ARL6IP6: variants seen among roughly 807,000 people sequenced by gnomAD.
ARL6IP6 encodes the protein ADP-ribosylation factor-like protein 6-interacting protein 6.
In ARL6IP6, 22 loss-of-function variants were observed where a neutral mutation model predicts 21.5. That is an observed-to-expected ratio of 1.02 (90% CI 0.73 to 1.46). The LOEUF (loss-of-function observed/expected upper bound fraction) is 1.46, where lower values mean the gene tolerates loss of function less well. ARL6IP6 is among the 40% of genes most tolerant of loss of function. The probability of loss-of-function intolerance (pLI) is 0.00; values close to 1 mark genes in which losing one functional copy is unlikely to be tolerated. For missense variants in ARL6IP6, 388 were observed against 299.8 expected, an observed-to-expected ratio of 1.29 and a Z score of -2.17; for synonymous variants, 164 against 125.3, an observed-to-expected ratio of 1.31 and a Z score of -2.06.
At chr2:152,717,974 G>A (rs534594750), upstream of ARL6IP6, 5 of 1,003,048 alleles carry the variant, frequency 5.0e-6, no homozygotes, top group Non-Finnish European at 6.0e-6. Context: ...GGAGGAGAGG[G>A]TTCGATCTCC....
At chr2:152,732,631 C>T in intron 2 of ARL6IP6, 1 of 427,382 alleles carries the variant, frequency 2.3e-6, no homozygotes, top group Non-Finnish European at 4.6e-6. Flanking sequence ...TTTTATTTTG[C>T]TATGCATATA....
At chr2:152,724,542 T>C (rs1699945872) in intron 2 of ARL6IP6, among the ~76,000 whole-genome samples, 1 of 152,214 alleles carries the variant, frequency 6.6e-6, no homozygotes, top group Non-Finnish European at 1.5e-5. Context: ...TTATTAGTCA[T>C]GAAATTATTA....
intron 3 of ARL6IP6, among the ~76,000 whole-genome samples, chr2:152,758,952 T>C (rs1340785026): frequency 6.6e-6 from 1 of 152,168 alleles, no homozygotes; most frequent in African/African-American, 2.4e-5. Flanking sequence ...TTTGTTTTGC[T>C]CCAGAAAGGA....
intron 3 of ARL6IP6, among the ~76,000 whole-genome samples, chr2:152,753,048 G>A (rs1280936233): frequency 1.3e-5 from 2 of 152,006 alleles, no homozygotes; most frequent in Non-Finnish European, 2.9e-5. Flanking sequence ...TGGAGTGGGA[G>A]GATCACCAGA....
At chr2:152,719,607 G>T (rs929931246) in intron 1 of ARL6IP6, among the ~76,000 whole-genome samples, 2 of 152,120 alleles carry the variant, frequency 1.3e-5, no homozygotes, top group African/African-American at 4.8e-5. Context: ...TTTTCTGTCT[G>T]AAGTTGAAAT....
intron 3 of ARL6IP6, among the ~76,000 whole-genome samples, chr2:152,748,682 G>T (rs571276066): frequency 6.6e-6 from 1 of 152,198 alleles, no homozygotes; most frequent in African/African-American, 2.4e-5. Context: ...AGCACAGAGC[G>T]CTTTCTGCTT....
upstream of ARL6IP6, chr2:152,718,607 T>A: frequency 6.7e-7 from 1 of 1,503,708 alleles, no homozygotes. Flanking sequence ...CTCCGCGGGT[T>A]TCGTTGTGTT....
intron 3 of ARL6IP6, among the ~76,000 whole-genome samples, chr2:152,737,508 A>G (rs1700604706): frequency 6.6e-6 from 1 of 152,188 alleles, no homozygotes; most frequent in Non-Finnish European, 1.5e-5. Context: ...ATAAACACAT[A>G]CCCAAGACTG....
At chr2:152,731,615 T>C (rs189159429) in intron 2 of ARL6IP6, among the ~76,000 whole-genome samples, 1 of 152,146 alleles carries the variant, frequency 6.6e-6, no homozygotes, top group Non-Finnish European at 1.5e-5. Context: ...ACTGAATTTT[T>C]TTATTTTTTA....
intron 2 of ARL6IP6, among the ~76,000 whole-genome samples, chr2:152,725,270 CCT>C (rs1394928033): frequency 6.6e-6 from 1 of 152,076 alleles, no homozygotes; most frequent in Non-Finnish European, 1.5e-5. Context: ...AAAACATTCT[CCT>C]ATTTCATTAT....
rs368661783 is a variant in ARL6IP6 at position 152,718,812 on chromosome 2, C to A, written c.188C>A (p.Ala63Glu). 120 of 1,607,308 alleles carry A rather than the reference C, an allele frequency of 7.5e-5. No individual in the cohort carries two copies. In the African/African-American group the frequency reaches 1.4e-3, roughly 19 times the overall value. The stretch of plus-strand genomic sequence containing the variant: ...CTGCGGGCGGAGTTCTCGGCTGGGG[C>A]GTGGTCAGAGCCCAGAAAGCGCTCG... ...RDLRAEFSAG[A>E]WSEPRKRSVL... Residue 63 changes from alanine to glutamate, a missense_variant, in exon 1 of 4, where the codon GCG (alanine) becomes GAG (glutamate). By Grantham distance (107) the Ala-to-Glu change is moderately radical (BLOSUM62 -1). Coordinates refer to ENST00000326446, the MANE Select transcript of ARL6IP6 (RefSeq NM_152522.7).
chr2:152,731,729 A>G (rs1228768878), intron 2 of ARL6IP6, among the ~76,000 whole-genome samples: 1 of 152,014 alleles, frequency 6.6e-6, no homozygotes, highest in Non-Finnish European at 1.5e-5. Flanking sequence ...TTTTCTCCCA[A>G]CCACTCTTTC....
At chr2:152,734,057 T>C (rs1430283472) in intron 2 of ARL6IP6, among the ~76,000 whole-genome samples, 1 of 152,244 alleles carries the variant, frequency 6.6e-6, no homozygotes, top group Non-Finnish European at 1.5e-5. Context: ...CCTGTCTTCC[T>C]ATAACCACAA....
chr2:152,749,058 C>G lies in ARL6IP6; in HGVS notation c.588-10689C>G, dbSNP rs184376115. Among the ~76,000 whole-genome samples the G allele has an allele frequency of 4.8e-3, 729 of 152,128 alleles. 6 individuals carry two copies. Among genetic ancestry groups the G allele is most frequent in the African/African-American group, 0.016 (678 of 41,514 alleles). On this transcript the variant is annotated intron_variant, in intron 3 of 3. Coordinates refer to ENST00000326446, the MANE Select transcript of ARL6IP6 (RefSeq NM_152522.7). ...ATAAGAATGTAGTCACTTAAATTGC[C>G]AAAGTCATTGAATTCATTTGAATCT...
intron 2 of ARL6IP6, among the ~76,000 whole-genome samples, chr2:152,728,111 C>T (rs71417238): frequency 0.016 from 2,367 of 152,188 alleles, 33 homozygotes; most frequent in Non-Finnish European, 0.025. Flanking sequence ...ATTTTGCAGC[C>T]TTGTTAAAGT....
intron 2 of ARL6IP6, among the ~76,000 whole-genome samples, chr2:152,725,364 C>T (rs1243477343): frequency 1.3e-5 from 2 of 151,914 alleles, no homozygotes; most frequent in Non-Finnish European, 2.9e-5. Context: ...TAAGACTTTC[C>T]TAAGACTTTA....
intron 3 of ARL6IP6, among the ~76,000 whole-genome samples, chr2:152,738,073 G>T (rs1700632253): frequency 6.6e-6 from 1 of 152,162 alleles, no homozygotes; most frequent in South Asian, 2.1e-4. Flanking sequence ...GGATAAATTG[G>T]CCAAAACAAA....
rs577469840 is a variant in ARL6IP6 at position 152,724,062 on chromosome 2, A to G, written c.454+3476A>G. On this transcript the variant is annotated intron_variant, in intron 2 of 3. Transcript: ENST00000326446. ...TCCTATTCTATAGCACAATTTTTGT[A>G]AAATTGTCTTACCTATTTGTATTAT... Among the ~76,000 whole-genome samples the G allele has an allele frequency of 1.2e-4, 18 of 151,564 alleles. No homozygotes were observed. In the South Asian group the frequency reaches 3.3e-3, roughly 28 times the overall value.
chr2:152,747,416 A>T (rs1366029199), intron 3 of ARL6IP6, among the ~76,000 whole-genome samples: 1 of 152,150 alleles, frequency 6.6e-6, no homozygotes, highest in East Asian at 1.9e-4. Context: ...ATTTTAGTTC[A>T]GGTATTAGCT....
Sources: gnomAD v4.1 joint callset for allele counts (sites outside exome capture counted in the v4.1 genomes callset) on GRCh38, gnomAD v4.1.1 for gene constraint, MANE v1.5 for transcripts, NCBI Gene and HGNC (gene_info 2026-07-23, HGNC 2026-07-21) for gene names.